The following RELCH variants were observed in gnomAD, a reference collection of about 807,000 sequenced individuals.
RELCH encodes the protein RAB11 binding and LisH domain, coiled-coil and HEAT repeat containing, also known as RAB11-binding protein RELCH.
A neutral mutation model predicts 150.3 loss-of-function variants in RELCH; 41 were observed. That is an observed-to-expected ratio of 0.27 (90% CI 0.21 to 0.35). The LOEUF (loss-of-function observed/expected upper bound fraction) is 0.35. Ranked by LOEUF, RELCH falls within the 10% of genes least tolerant of loss-of-function variation. The probability of loss-of-function intolerance (pLI) is 1.00; values close to 1 mark genes in which losing one functional copy is unlikely to be tolerated. For missense variants in RELCH, 1,092 were observed against 1,467.8 expected, an observed-to-expected ratio of 0.74 and a Z score of 4.18; for synonymous variants, 478 against 531.8, an observed-to-expected ratio of 0.90 and a Z score of 1.39.
At chr18:62,257,698 GA>G (rs1194982575) in intron 13 of RELCH, among the ~76,000 whole-genome samples, 2 of 151,848 alleles carry the variant, frequency 1.3e-5, no homozygotes, top group Non-Finnish European at 2.9e-5. Context: ...ATTCAAAGTA[GA>G]TATTACTGCC....
Position 62,252,778 on chromosome 18 carries a change from A to T in RELCH, c.1824+24A>T, listed in dbSNP as rs558009895. On this transcript the variant is annotated intron_variant, in intron 12 of 28. Coordinates refer to ENST00000644646, the MANE Select transcript of RELCH (RefSeq NM_001346231.2). ...AGGTAAATAACTGTATTGAGTTTTCACCTAGCTATTATAGCCTGATTTCTT... is the reference window on the plus strand; with the variant it reads ...AGGTAAATAACTGTATTGAGTTTTCTCCTAGCTATTATAGCCTGATTTCTT... The T allele has an allele frequency of 2.5e-5, 39 of 1,541,316 alleles. No individual in the cohort carries two copies. In the South Asian group the frequency reaches 3.6e-4, roughly 14 times the overall value.
chr18:62,309,349 T>G lies in RELCH; in HGVS notation c.*3815T>G, dbSNP rs540962767. 1.5e-4 allele frequency: 23 copies of G among 152,294 alleles called. No individual in the cohort carries two copies. Among genetic ancestry groups the G allele is most frequent in the Admixed American group, 9.8e-4 (15 of 15,298 alleles). 9.4% of individuals were successfully genotyped at this position (152,294 alleles called of 1,614,324 possible). A position where few individuals can be genotyped will look rare whatever the true frequency, so the allele number is the denominator to read the frequency against. ...AGACAATTTTCATACTGCGTAAGAATGTGTTCTGTATGCATTTTGTGTGTG... is the reference window on the plus strand; with the variant it reads ...AGACAATTTTCATACTGCGTAAGAAGGTGTTCTGTATGCATTTTGTGTGTG... On this transcript the variant is annotated 3_prime_UTR_variant, in exon 29 of 29. Coordinates refer to ENST00000644646, the MANE Select transcript of RELCH (RefSeq NM_001346231.2).
Position 62,187,331 on chromosome 18 carries a change from T to C in RELCH, c.-175T>C. The C allele has an allele frequency of 2.0e-6, 1 of 507,708 alleles. No homozygotes were observed. The highest frequency in any genetic ancestry group is 4.8e-5 in the South Asian group (1 of 20,876). 31.5% of individuals were successfully genotyped at this position (507,708 alleles called of 1,614,324 possible). On this transcript the variant is annotated 5_prime_UTR_variant, in exon 1 of 29. Coordinates refer to ENST00000644646, the MANE Select transcript of RELCH (RefSeq NM_001346231.2). ...GTGCAGCAGAGGCTGAGGCATCAGG[T>C]GCAGCTGCATCCGGATCTCCTGCCT...
intron 1 of RELCH, among the ~76,000 whole-genome samples, chr18:62,188,781 T>C (rs1418366325): frequency 6.6e-6 from 1 of 152,218 alleles, no homozygotes; most frequent in Non-Finnish European, 1.5e-5. Context: ...GTTTACCCCA[T>C]ATATTCGTAA....
At chr18:62,274,583 CT>C (rs1306528348) in intron 21 of RELCH, among the ~76,000 whole-genome samples, 2 of 152,200 alleles carry the variant, frequency 1.3e-5, no homozygotes, top group Non-Finnish European at 2.9e-5. Flanking sequence ...CCAACATACC[CT>C]TCCGTATAGA....
chr18:62,194,523 G>A (rs1238519075), intron 1 of RELCH, among the ~76,000 whole-genome samples: 1 of 152,146 alleles, frequency 6.6e-6, no homozygotes, highest in African/African-American at 2.4e-5. Context: ...GACATTTATA[G>A]TACAAACTTT....
chr18:62,228,546 C>T lies in RELCH; in HGVS notation c.1396C>T (p.Pro466Ser), dbSNP rs768780642. The change falls in exon 8 of 29, where the codon CCA becomes TCA. Residue 466 changes from proline (P) to serine (S), a missense_variant. Coordinates refer to ENST00000644646, the MANE Select transcript of RELCH (RefSeq NM_001346231.2). ...SFPRREREGM[P>S]PSSLSSKKTV... ...CCCCAGGAGAGAAAGAGAAGGAATG[C>T]CACCTTCTTCTCTATCAAGTAAAAA... is the stretch of plus-strand genomic sequence containing the variant. The T allele has an allele frequency of 1.1e-5, 17 of 1,611,988 alleles. No homozygotes were observed. The African/African-American group carries it at 2.3e-4, about 22-fold the overall frequency.
chr18:62,302,240 T>G (rs1212873550), intron 28 of RELCH, among the ~76,000 whole-genome samples: 2 of 152,202 alleles, frequency 1.3e-5, no homozygotes, highest in Non-Finnish European at 2.9e-5. Context: ...AGAACTATTC[T>G]GAAGAGGAAT....
intron 1 of RELCH, among the ~76,000 whole-genome samples, chr18:62,206,661 C>T (rs549224854): frequency 1.6e-4 from 25 of 152,186 alleles, no homozygotes; most frequent in African/African-American, 5.1e-4. Context: ...CTTATTTGTC[C>T]CTTTTTAAAC....
chr18:62,229,485 G>A (rs1416111046), intron 8 of RELCH, among the ~76,000 whole-genome samples: 1 of 143,322 alleles, frequency 7.0e-6, no homozygotes, highest in Non-Finnish European at 1.5e-5. Context: ...GTATAGTAGG[G>A]GTGTGTGTGT....
intron 10 of RELCH, among the ~76,000 whole-genome samples, chr18:62,240,221 T>G (rs181579061): frequency 2.0e-5 from 3 of 152,092 alleles, no homozygotes; most frequent in East Asian, 3.9e-4. Context: ...ATTTTTATAT[T>G]GCTTATTGTC....
chr18:62,252,578 A>G, intron 11 of RELCH, 86 bp from the exon 12 acceptor site: 1 of 905,940 alleles, frequency 1.1e-6, no homozygotes, highest in African/African-American at 1.7e-5. Flanking sequence ...CTCTATGTGA[A>G]TTTATAGAGA....
chr18:62,238,352 T>C (rs1240510859), intron 10 of RELCH, among the ~76,000 whole-genome samples: 3 of 152,020 alleles, frequency 2.0e-5, no homozygotes, highest in Non-Finnish European at 4.4e-5. Flanking sequence ...TAGTAGTTCA[T>C]TTTAATGGAT....
chr18:62,261,084 A>C (rs1269446723), intron 15 of RELCH, among the ~76,000 whole-genome samples: 1 of 152,044 alleles, frequency 6.6e-6, no homozygotes, highest in Non-Finnish European at 1.5e-5. Context: ...GTTCGAGGTG[A>C]TGCATATCTC....
chr18:62,243,513 T>C (rs1237709234), intron 10 of RELCH, among the ~76,000 whole-genome samples: 4 of 152,134 alleles, frequency 2.6e-5, no homozygotes, highest in Non-Finnish European at 4.4e-5. Flanking sequence ...TTTCACATTC[T>C]TTTTTTCTCA....
At chr18:62,273,670 CCA>C (rs1017353078) in intron 20 of RELCH, among the ~76,000 whole-genome samples, 5 of 152,060 alleles carry the variant, frequency 3.3e-5, no homozygotes, top group Non-Finnish European at 7.4e-5. Context: ...TGCACTGTAC[CCA>C]GTTTGACTGA....
chr18:62,225,747 T>C (rs781057256), intron 5 of RELCH, among the ~76,000 whole-genome samples: 2 of 152,022 alleles, frequency 1.3e-5, no homozygotes, highest in African/African-American at 4.8e-5. Flanking sequence ...TAAATTTTGG[T>C]TGAATGATAG....
intron 10 of RELCH, among the ~76,000 whole-genome samples, chr18:62,235,851 G>T (rs1337725067): frequency 6.6e-6 from 1 of 151,910 alleles, no homozygotes; most frequent in African/African-American, 2.4e-5. Flanking sequence ...CATTTTTTAT[G>T]GGTTCTATGA....
Position 62,187,812 on chromosome 18 carries a change from C to T in RELCH, c.307C>T (p.Arg103Cys), listed in dbSNP as rs1316550621. ...TGATGCGATCGCTGCTCAGCTGTTG[C>T]GCGATCAATACTTGCTGACCGCCCT... ...SIDAIAAQLL[R>C]DQYLLTALEL... The change falls in exon 1 of 29, where the codon CGC becomes TGC. Residue 103 changes from arginine (R) to cysteine (C), a missense_variant. Coordinates refer to ENST00000644646, the MANE Select transcript of RELCH (RefSeq NM_001346231.2). 1 of 1,595,700 alleles carries T rather than the reference C, an allele frequency of 6.3e-7. No individual in the cohort carries two copies. Among genetic ancestry groups the T allele is most frequent in the African/African-American group, 1.3e-5 (1 of 74,758 alleles).
Sources: gnomAD v4.1 joint callset for allele counts (sites outside exome capture counted in the v4.1 genomes callset) on GRCh38, gnomAD v4.1.1 for gene constraint, MANE v1.5 for transcripts, NCBI Gene and HGNC (gene_info 2026-07-23, HGNC 2026-07-21) for gene names.